The following MACROD1 variants were observed in gnomAD, a reference collection of about 807,000 sequenced individuals.
MACROD1 encodes the protein ADP-ribose glycohydrolase MACROD1.
MACROD1 carries 31 observed loss-of-function variants against 41.4 expected under a neutral mutation model. The observed-to-expected ratio is 0.75, with a 90% CI of 0.56 to 1.01. The LOEUF (loss-of-function observed/expected upper bound fraction) is 1.01, where lower values mean the gene tolerates loss of function less well. MACROD1 is among the 50% of genes least tolerant of loss of function. The pLI is 0.00. For missense variants in MACROD1, 473 were observed against 460.0 expected (o/e 1.03, Z -0.26); for synonymous variants, 252 against 203.4 (o/e 1.24, Z -2.03).
chr11:64,165,864 G>T lies in MACROD1; in HGVS notation c.131C>A (p.Pro44His). The T allele has an allele frequency of 6.9e-7, 1 of 1,448,908 alleles. No individual in the cohort carries two copies. The highest frequency in any genetic ancestry group is 9.1e-7 in the Non-Finnish European group (1 of 1,102,018). 89.8% of individuals were successfully genotyped at this position (1,448,908 alleles called of 1,614,324 possible). The change falls in exon 1 of 11, where the codon CCC becomes CAC. Residue 44 changes from proline to histidine, a missense_variant. Transcript: ENST00000255681. ...ATRTRSSTCG[P>H]PAFLGVFGRR... ...GCCGAACACGCCCAGGAACGCCGGG[G>T]GACCGCACGTGCTGCTGCGGGTCCT...
chr11:64,140,872 T>A (rs1945403162), intron 3 of MACROD1, among the ~76,000 whole-genome samples: 1 of 152,216 alleles, frequency 6.6e-6, no homozygotes, highest in Non-Finnish European at 1.5e-5. Flanking sequence ...CAGTGGCTCA[T>A]GCCTGTAATC....
intron 3 of MACROD1, among the ~76,000 whole-genome samples, chr11:64,057,554 TGA>T (rs1211672861): frequency 6.6e-6 from 1 of 152,076 alleles, no homozygotes; most frequent in African/African-American, 2.4e-5. Context: ...ATTTTACAGA[TGA>T]GAGAGGGGCT....
rs149821611 is a variant in MACROD1 at position 64,136,292 on chromosome 11, C to T, written c.517+14947G>A. Among the ~76,000 whole-genome samples, 406 of 152,360 alleles carry T rather than the reference C, an allele frequency of 2.7e-3. 2 individuals are homozygous for T. Among genetic ancestry groups the T allele is most frequent in the African/African-American group, 9.5e-3 (397 of 41,584 alleles). ...CCATTCATTGATTCAGTTAAGGGCA[C>T]TTCCCAGGATACATAGGGAAAAGAT... On this transcript the variant is annotated intron_variant, in intron 3 of 10. Transcript: ENST00000255681.
intron 3 of MACROD1, among the ~76,000 whole-genome samples, chr11:64,017,680 A>G (rs887989176): frequency 4.6e-5 from 7 of 152,160 alleles, no homozygotes; most frequent in Non-Finnish European, 1.0e-4. Context: ...CCCCAGAGCC[A>G]GCGAGGGAGG....
At chr11:64,019,766 G>A (rs1050627110) in intron 3 of MACROD1, among the ~76,000 whole-genome samples, 6 of 152,318 alleles carry the variant, frequency 3.9e-5, no homozygotes, top group South Asian at 4.1e-4. Flanking sequence ...TGCCCCGGGC[G>A]TGCTAAATGC....
chr11:64,108,324 A>AG (rs1291583502), intron 3 of MACROD1, among the ~76,000 whole-genome samples: 1 of 151,926 alleles, frequency 6.6e-6, no homozygotes, highest in East Asian at 1.9e-4. Flanking sequence ...AAAAAAAAAA[A>AG]AAAAAGACTT....
chr11:64,049,379 T>A (rs2134407924), intron 3 of MACROD1, among the ~76,000 whole-genome samples: 1 of 152,330 alleles, frequency 6.6e-6, no homozygotes, highest in East Asian at 1.9e-4. Flanking sequence ...CGGCCAGTCC[T>A]GGGCAGGGAG....
At chr11:64,105,678 T>G (rs1944749913) in intron 3 of MACROD1, among the ~76,000 whole-genome samples, 1 of 152,152 alleles carries the variant, frequency 6.6e-6, no homozygotes, top group African/African-American at 2.4e-5. Flanking sequence ...GCTGCAGACA[T>G]GCTGGTGGAG....
Position 64,161,746 on chromosome 11 carries a change from T to C in MACROD1, c.298+3951A>G, listed in dbSNP as rs11231712. 5.8e-3 allele frequency among the ~76,000 whole-genome samples: 845 copies of C among 146,448 alleles called. 2 individuals are homozygous for C. The highest frequency in any genetic ancestry group is 0.016 in the Middle Eastern group (4 of 252). ...GCCAGGAGTTTGAGACCAGCCTGGG[T>C]AACATGGTGAAACCCAGTCTCTACA... is the stretch of plus-strand genomic sequence containing the variant. On this transcript the variant is annotated intron_variant, in intron 1 of 10. Coordinates refer to ENST00000255681, the MANE Select transcript of MACROD1 (RefSeq NM_014067.4).
At chr11:64,147,153 C>G (rs1945506775) in intron 3 of MACROD1, among the ~76,000 whole-genome samples, 1 of 152,080 alleles carries the variant, frequency 6.6e-6, no homozygotes, top group Non-Finnish European at 1.5e-5. Context: ...GCAGCCTCGA[C>G]CTCCCAGGCT....
intron 3 of MACROD1, among the ~76,000 whole-genome samples, chr11:64,134,402 C>T (rs909733650): frequency 3.9e-5 from 6 of 152,164 alleles, no homozygotes; most frequent in African/African-American, 1.4e-4. Flanking sequence ...GCCAAGGAAG[C>T]GTGAGGACCC....
intron 4 of MACROD1, chr11:64,001,149 G>A: frequency 2.2e-6 from 1 of 450,972 alleles, no homozygotes; most frequent in Non-Finnish European, 4.0e-6. Flanking sequence ...TGGAGGAAAC[G>A]CTCCAGCAGC....
chr11:64,114,496 GATGGATGGATGA>G (rs1169376180), intron 3 of MACROD1, among the ~76,000 whole-genome samples: 1 of 150,782 alleles, frequency 6.6e-6, no homozygotes, highest in Non-Finnish European at 1.5e-5. Flanking sequence ...TGAATGGATG[GATGGATGGATGA>G]ATGGATGGAT....
chr11:64,037,376 G>A (rs552288389), intron 3 of MACROD1, among the ~76,000 whole-genome samples: 2 of 152,082 alleles, frequency 1.3e-5, no homozygotes, highest in Admixed American at 1.3e-4. Flanking sequence ...CCAGATTCCA[G>A]TTTCTGGAGT....
Position 64,122,612 on chromosome 11 carries a change from G to A in MACROD1, c.517+28627C>T, listed in dbSNP as rs868503040. On this transcript the variant is annotated intron_variant, in intron 3 of 10. Coordinates refer to ENST00000255681, the MANE Select transcript of MACROD1 (RefSeq NM_014067.4). This position sits in a 1 kb window ranked among gnomAD's most constrained non-coding sequence, Gnocchi z 4.0. ...GGGGTCGGGGAGATGTTTCCAGAGC[G>A]GTGCAGGGAAAGAGGGTTTGGTGAG... is the stretch of plus-strand genomic sequence containing the variant. Among the ~76,000 whole-genome samples the A allele has an allele frequency of 2.6e-5, 4 of 152,200 alleles. No homozygotes were observed. Among genetic ancestry groups the A allele is most frequent in the South Asian group, 2.1e-4 (1 of 4,824 alleles).
chr11:64,027,145 T>C (rs1434914251), intron 3 of MACROD1, among the ~76,000 whole-genome samples: 1 of 152,194 alleles, frequency 6.6e-6, no homozygotes, highest in Non-Finnish European at 1.5e-5. Flanking sequence ...AGGCCACCGA[T>C]GTCACAGAGG....
chr11:64,155,720 T>C (rs1945657661), intron 1 of MACROD1, among the ~76,000 whole-genome samples: 1 of 152,020 alleles, frequency 6.6e-6, no homozygotes, highest in African/African-American at 2.4e-5. Context: ...CCCCAGCACT[T>C]GGGGAGACCA....
At chr11:64,008,513 A>G (rs911391900) in intron 4 of MACROD1, among the ~76,000 whole-genome samples, 1 of 151,018 alleles carries the variant, frequency 6.6e-6, no homozygotes, top group Non-Finnish European at 1.5e-5. Flanking sequence ...TGACATGGGA[A>G]GGTGAAACTA....
chr11:64,066,643 GAAAA>G (rs942773480), intron 3 of MACROD1, among the ~76,000 whole-genome samples: 1 of 78,892 alleles, frequency 1.3e-5, no homozygotes, highest in Non-Finnish European at 2.8e-5. Flanking sequence ...TCTTCAAAAA[GAAAA>G]AAAAAAAAAA....
Sources: allele counts gnomAD v4.1 joint callset (sites outside exome capture counted in the v4.1 genomes callset), GRCh38; gene constraint gnomAD v4.1.1; non-coding constraint Gnocchi (gnomAD v3.1); transcripts MANE v1.5; gene names NCBI Gene and HGNC (gene_info 2026-07-23, HGNC 2026-07-21).